DNAI7: variants seen among roughly 807,000 people sequenced by gnomAD.
The protein encoded by DNAI7 is cancer susceptibility 1.
A neutral mutation model predicts 86.6 loss-of-function variants in DNAI7; 78 were observed. The observed-to-expected ratio is 0.90, with a 90% CI of 0.75 to 1.09. The LOEUF (loss-of-function observed/expected upper bound fraction) is 1.09, where lower values mean the gene tolerates loss of function less well. Among genes scored for constraint, DNAI7 ranks in the 50% least tolerant of loss-of-function variants. The probability of loss-of-function intolerance (pLI) is 0.00; values close to 1 mark genes in which losing one functional copy is unlikely to be tolerated. For synonymous variants in DNAI7, 274 were observed against 273.0 expected (o/e 1.00, Z -0.04); for missense variants, 753 against 810.2 (o/e 0.93, Z 0.86).
chr12:25,130,774 T>C (rs1942811576), intron 9 of DNAI7, among the ~76,000 whole-genome samples: 1 of 152,060 alleles, frequency 6.6e-6, no homozygotes. Flanking sequence ...AAATTAGGCT[T>C]TTCTAAAAAG....
intron 9 of DNAI7, among the ~76,000 whole-genome samples, chr12:25,133,538 C>T (rs1398325815): frequency 6.6e-6 from 1 of 152,174 alleles, no homozygotes; most frequent in East Asian, 1.9e-4. Flanking sequence ...CACCACCCTT[C>T]CCCCTTCAGC....
chr12:25,175,626 G>T (rs1474595700), intron 2 of DNAI7, among the ~76,000 whole-genome samples: 2 of 138,120 alleles, frequency 1.4e-5, no homozygotes, highest in African/African-American at 5.4e-5. Flanking sequence ...GGGATTACAG[G>T]CATGAGCCAC....
Position 25,144,640 on chromosome 12 carries a change from A to G in DNAI7, c.727T>C (p.Phe243Leu). 1 of 1,613,912 alleles carries G rather than the reference A, an allele frequency of 6.2e-7. No homozygotes were observed. Among genetic ancestry groups the G allele is most frequent in the Non-Finnish European group, 8.5e-7 (1 of 1,179,920 alleles). Residue 243 changes from phenylalanine to leucine, a missense_variant, in exon 9 of 16, where the codon TTT (phenylalanine) becomes CTT (leucine). Transcript: ENST00000395987. ...GTTGCTAATATCCTTGGAATCTCAAATCCAATTTGTGTTTCAGAGAATCTA... is the reference window on the plus strand; with the variant it reads ...GTTGCTAATATCCTTGGAATCTCAAGTCCAATTTGTGTTTCAGAGAATCTA... Reference protein sequence around the residue: ...SVRFSETQIGFEIPRILATSD... With the variant: ...SVRFSETQIGLEIPRILATSD...
At chr12:25,183,384 T>C (rs1475315985) in intron 2 of DNAI7, among the ~76,000 whole-genome samples, 1 of 151,912 alleles carries the variant, frequency 6.6e-6, no homozygotes, top group African/African-American at 2.4e-5. Context: ...AATGCTGGGA[T>C]TTGGGCTTCT....
chr12:25,125,092 G>A (rs1941931348), intron 9 of DNAI7, among the ~76,000 whole-genome samples: 1 of 152,164 alleles, frequency 6.6e-6, no homozygotes, highest in African/African-American at 2.4e-5. Context: ...ACGTTCATGT[G>A]ACTTTATGGT....
rs906459938 is a variant in DNAI7, at chr12:25,147,633, G to T, written c.586-529C>A. ...GATTGCACCATGCACTCTAGCCGGGGTGACAGAGCAAGACTGGGTCTCAGA... is the reference window on the plus strand; with the variant it reads ...GATTGCACCATGCACTCTAGCCGGGTTGACAGAGCAAGACTGGGTCTCAGA... On this transcript the variant is annotated intron_variant, in intron 7 of 15. Transcript: ENST00000395987. 3.3e-5 allele frequency among the ~76,000 whole-genome samples: 5 copies of T among 152,164 alleles called. 1 individual carries two copies. Among genetic ancestry groups the T allele is most frequent in the African/African-American group, 7.2e-5 (3 of 41,438 alleles).
chr12:25,127,055 T>C (rs1942238157), intron 9 of DNAI7, among the ~76,000 whole-genome samples: 1 of 152,000 alleles, frequency 6.6e-6, no homozygotes, highest in Non-Finnish European at 1.5e-5. Flanking sequence ...TGCCTTTACA[T>C]AAGTCAATTT....
Position 25,155,315 on chromosome 12 carries a change from G to A in DNAI7, c.296C>T (p.Ser99Phe). The A allele has an allele frequency of 6.3e-7, 1 of 1,575,680 alleles. No homozygotes were observed. ...EKLKQETKLL[S>F]QWKHYIQCDG... The stretch of plus-strand genomic sequence containing the variant: ...AAAAAGAGAAATCAGTCCTACCTGA[G>A]AAAGCAATTTAGTTTCCTGTTTCAA... The change falls in exon 5 of 16, where the codon TCT becomes TTT. Residue 99 changes from serine (S) to phenylalanine (F), a missense_variant. By Grantham distance (155) the Ser-to-Phe change is radical. Transcript: ENST00000395987.
intron 2 of DNAI7, among the ~76,000 whole-genome samples, chr12:25,167,161 A>G (rs1947578861): frequency 6.6e-6 from 1 of 152,162 alleles, no homozygotes; most frequent in South Asian, 2.1e-4. Flanking sequence ...ACACACCACC[A>G]AAGGCAGGCT....
chr12:25,127,192 G>A (rs1315485647), intron 9 of DNAI7, among the ~76,000 whole-genome samples: 1 of 152,142 alleles, frequency 6.6e-6, no homozygotes, highest in Non-Finnish European at 1.5e-5. Flanking sequence ...TCTAGAATGG[G>A]TTCCTGTAAT....
At chr12:25,152,339 T>G (rs1214308640) in intron 6 of DNAI7, among the ~76,000 whole-genome samples, 1 of 152,316 alleles carries the variant, frequency 6.6e-6, no homozygotes, top group Admixed American at 6.5e-5. Context: ...GGGATGAAGA[T>G]GAACTTAAAT....
chr12:25,116,353 A>C (rs1489796140), intron 12 of DNAI7, among the ~76,000 whole-genome samples: 1 of 152,166 alleles, frequency 6.6e-6, no homozygotes, highest in African/African-American at 2.4e-5. Flanking sequence ...TAAATTCTCC[A>C]AATTTCTAGT....
At chr12:25,182,605 T>TACACAC (rs71065917) in intron 2 of DNAI7, among the ~76,000 whole-genome samples, 32,348 of 131,964 alleles carry the variant, frequency 0.25, 4,056 homozygotes, top group Middle Eastern at 0.29. Flanking sequence ...TGAGACTGTC[T>TACACAC]ACACACACAC....
chr12:25,168,525 A>T (rs1324819887), intron 2 of DNAI7, among the ~76,000 whole-genome samples: 3 of 152,138 alleles, frequency 2.0e-5, no homozygotes, highest in Non-Finnish European at 4.4e-5. Context: ...AAACTTTATC[A>T]GTCCTCCAGG....
chr12:25,123,289 A>T lies in DNAI7; in HGVS notation c.1003-3T>A. The T allele has an allele frequency of 6.3e-7, 1 of 1,599,216 alleles. No homozygotes were observed. Among genetic ancestry groups the T allele is most frequent in the African/African-American group, 1.3e-5 (1 of 74,526 alleles). On this transcript the variant is annotated splice_region_variant and splice_polypyrimidine_tract_variant and intron_variant, in intron 9 of 15. Transcript: ENST00000395987. ...TCAGATTCTTCCTCAGCAGAACTCTATAAAAAACCACAGACATATGGGTGT... is the reference window on the plus strand; with the variant it reads ...TCAGATTCTTCCTCAGCAGAACTCTTTAAAAAACCACAGACATATGGGTGT...
intron 13 of DNAI7, among the ~76,000 whole-genome samples, chr12:25,112,833 C>T (rs1047893836): frequency 7.9e-5 from 12 of 152,094 alleles, no homozygotes; most frequent in Non-Finnish European, 1.6e-4. Context: ...ACCAAGAACT[C>T]AAAATTTGTG....
At chr12:25,184,370 C>A (rs951535965) in intron 2 of DNAI7, among the ~76,000 whole-genome samples, 18 of 151,028 alleles carry the variant, frequency 1.2e-4, no homozygotes, top group African/African-American at 4.3e-4. Flanking sequence ...TAACTGTAAT[C>A]ATGTAAAATG....
At chr12:25,131,264 CAT>C (rs1942891115) in intron 9 of DNAI7, among the ~76,000 whole-genome samples, 1 of 151,850 alleles carries the variant, frequency 6.6e-6, no homozygotes, top group African/African-American at 2.4e-5. Context: ...AATTTATACA[CAT>C]AGACAAAAAA....
chr12:25,181,304 T>TGG (rs202197122), intron 2 of DNAI7, among the ~76,000 whole-genome samples: 8 of 151,654 alleles, frequency 5.3e-5, no homozygotes, highest in African/African-American at 1.9e-4. Context: ...TTTGCAGAGG[T>TGG]GGGGGGGTCT....
Sources: gnomAD v4.1 joint callset for allele counts (sites outside exome capture counted in the v4.1 genomes callset) on GRCh38, gnomAD v4.1.1 for gene constraint, MANE v1.5 for transcripts, NCBI Gene and HGNC (gene_info 2026-07-23, HGNC 2026-07-21) for gene names.